SH3BP5: variants seen among roughly 807,000 people sequenced by gnomAD.
The protein encoded by SH3BP5 is SH3 domain binding protein 5, also known as SH3 domain-binding protein 5.
SH3BP5 carries 22 observed loss-of-function variants against 43.3 expected under a neutral mutation model. The ratio of observed to expected loss-of-function variants is 0.51; its 90% CI spans 0.36 to 0.73. The LOEUF (loss-of-function observed/expected upper bound fraction) is 0.73. Among genes scored for constraint, SH3BP5 ranks in the 30% least tolerant of loss-of-function variants. The pLI is 0.00. For missense variants in SH3BP5, 529 were observed against 586.9 expected (o/e 0.90, Z 1.02); for synonymous variants, 255 against 225.8 (o/e 1.13, Z -1.16).
At chr3:15,260,983 A>T (rs1575278648) in intron 5 of SH3BP5, among the ~76,000 whole-genome samples, 5 of 152,116 alleles carry the variant, frequency 3.3e-5, no homozygotes, top group Admixed American at 3.3e-4. Context: ...TTGAGAAAAG[A>T]CCCACCATAT....
intron 3 of SH3BP5, among the ~76,000 whole-genome samples, chr3:15,287,687 G>A (rs566618788): frequency 7.7e-4 from 118 of 152,298 alleles, no homozygotes; most frequent in Middle Eastern, 3.4e-3. Flanking sequence ...AGTCAGTCTG[G>A]GAAGAAAGAA....
At chr3:15,260,027 G>A (rs1341511063) in intron 5 of SH3BP5, 8 of 581,020 alleles carry the variant, frequency 1.4e-5, no homozygotes, top group Non-Finnish European at 2.5e-5. Flanking sequence ...TTAACAGGAG[G>A]CCCATCTCAA....
Position 15,255,972 on chromosome 3 carries a change from A to T in SH3BP5, c.*114T>A. The T allele has an allele frequency of 1.1e-6, 1 of 877,076 alleles. No individual in the cohort carries two copies. 54.3% of individuals were successfully genotyped at this position (877,076 alleles called of 1,614,324 possible). ...CTCAAGGTCACTGAAACTTCATTAG[A>T]GCAGTTTAGAGTAGACGTGTAAGAT... On this transcript the variant is annotated 3_prime_UTR_variant, in exon 9 of 9. Coordinates refer to ENST00000383791, the MANE Select transcript of SH3BP5 (RefSeq NM_004844.5).
At chr3:15,283,461 A>C (rs988038075) in intron 3 of SH3BP5, among the ~76,000 whole-genome samples, 1 of 152,240 alleles carries the variant, frequency 6.6e-6, no homozygotes, top group African/African-American at 2.4e-5. Context: ...AATGTTACCC[A>C]AACAAGAGAC....
chr3:15,303,577 C>G (rs1022850740), intron 3 of SH3BP5, among the ~76,000 whole-genome samples: 1 of 152,070 alleles, frequency 6.6e-6, no homozygotes, highest in Non-Finnish European at 1.5e-5. Flanking sequence ...CTCCGTTTCA[C>G]TGCTTCTTAT....
chr3:15,280,460 T>C (rs1364782120), intron 3 of SH3BP5, among the ~76,000 whole-genome samples: 2 of 152,194 alleles, frequency 1.3e-5, no homozygotes, highest in Admixed American at 1.3e-4. Flanking sequence ...TAACAGGGTC[T>C]TTGCGCTCAG....
At chr3:15,332,104 T>G (rs1698626581) in intron 1 of SH3BP5, 167 bp downstream of exon 1, 1 of 1,114,624 alleles carries the variant, frequency 9.0e-7, no homozygotes, top group African/African-American at 1.6e-5. Context: ...GCCTCCTCAT[T>G]GTGGAGACGA....
At chr3:15,262,427 A>G (rs776604852) in intron 4 of SH3BP5, 138 bp from the exon 5 acceptor site, 4 of 1,018,722 alleles carry the variant, frequency 3.9e-6, no homozygotes, top group South Asian at 1.7e-5. Flanking sequence ...TGGGAGGCCA[A>G]GGTGGGTGGA....
At chr3:15,274,252 A>G (rs1696897705) in intron 3 of SH3BP5, among the ~76,000 whole-genome samples, 1 of 150,652 alleles carries the variant, frequency 6.6e-6, no homozygotes, top group Non-Finnish European at 1.5e-5. Context: ...GCTCAACAAA[A>G]AAAAAAGAAA....
chr3:15,256,736 G>A, intron 8 of SH3BP5, 117 bp downstream of exon 8: 1 of 1,200,842 alleles, frequency 8.3e-7, no homozygotes, highest in Non-Finnish European at 1.2e-6. Context: ...CACAACCACA[G>A]AGACCTGGTA....
chr3:15,338,678 C>T (rs1051094150), intron 1 of SH3BP5, among the ~76,000 whole-genome samples: 6 of 151,990 alleles, frequency 3.9e-5, no homozygotes, highest in Admixed American at 6.6e-5. Context: ...TGCATGGGTG[C>T]GCAGCCACCA....
intron 4 of SH3BP5, among the ~76,000 whole-genome samples, chr3:15,268,838 T>A (rs2125062394): frequency 6.6e-6 from 1 of 152,122 alleles, no homozygotes; most frequent in South Asian, 2.1e-4. Context: ...CCATCATGAA[T>A]GAGATTAGTG....
chr3:15,322,863 C>T (rs577346134), intron 2 of SH3BP5, among the ~76,000 whole-genome samples: 222 of 150,890 alleles, frequency 1.5e-3, no homozygotes, highest in African/African-American at 4.5e-3. Flanking sequence ...AGCGGGAGGC[C>T]GGGCGCAGTA....
In SH3BP5 at chr3:15,330,569, G is replaced by T; in HGVS notation, c.139-3C>A. 6.3e-7 allele frequency: 1 copy of T among 1,594,462 alleles called. No homozygotes were observed. The highest frequency in any genetic ancestry group is 1.1e-5 in the South Asian group (1 of 88,162). Reference sequence around the variant, plus strand: ...TGATTTAACTTCTCCAGTTCTCCCTGGTGAAGAAAAGAGGGAGAAAAAAAG... The same window carrying T: ...TGATTTAACTTCTCCAGTTCTCCCTTGTGAAGAAAAGAGGGAGAAAAAAAG... On this transcript the variant is annotated splice_polypyrimidine_tract_variant and splice_region_variant and intron_variant, in intron 1 of 8. Coordinates refer to ENST00000383791, the MANE Select transcript of SH3BP5 (RefSeq NM_004844.5).
intron 1 of SH3BP5, among the ~76,000 whole-genome samples, chr3:15,337,827 A>T (rs1354512155): frequency 2.0e-5 from 3 of 147,392 alleles, no homozygotes; most frequent in African/African-American, 5.1e-5. Flanking sequence ...AGGCAGGAGG[A>T]TCCCCTGAGC....
At chr3:15,318,846 A>G (rs1310866019) in intron 2 of SH3BP5, among the ~76,000 whole-genome samples, 2 of 152,020 alleles carry the variant, frequency 1.3e-5, no homozygotes, top group Non-Finnish European at 1.5e-5. Context: ...TACTGGGATT[A>G]TGGGCGTGAG....
intron 2 of SH3BP5, among the ~76,000 whole-genome samples, chr3:15,312,877 A>T (rs1698093968): frequency 6.6e-6 from 1 of 151,948 alleles, no homozygotes; most frequent in Non-Finnish European, 1.5e-5. Context: ...ATTATTCTTT[A>T]AAAAAAACAC....
chr3:15,335,764 T>C (rs1374585270), upstream of SH3BP5, among the ~76,000 whole-genome samples: 1 of 152,102 alleles, frequency 6.6e-6, no homozygotes, highest in Admixed American at 6.6e-5. Context: ...GGCACATATG[T>C]AGTGCACATA....
In SH3BP5 at chr3:15,257,080, C is replaced by A. The variant is rs748034743; in HGVS notation, c.923G>T (p.Ser308Ile). The A allele has an allele frequency of 6.2e-7, 1 of 1,614,192 alleles. No homozygotes were observed. The highest frequency in any genetic ancestry group is 1.1e-5 in the South Asian group (1 of 91,090). ...CGAGTCATCTTCAGACACAAAGTTG[C>A]TACAGCTGTCATCTTCAAAGGCCTC... Reference protein sequence around the residue: ...ASEAFEDDSCSNFVSEDDSET... With the variant: ...ASEAFEDDSCINFVSEDDSET... Residue 308 changes from serine to isoleucine, a missense_variant, in exon 8 of 9, where the codon AGC becomes ATC. By Grantham distance (142) the Ser-to-Ile change is moderately radical (BLOSUM62 -2). Around this residue, in one of 3 missense-constraint regions of SH3BP5, gnomAD observed 369 missense variants for 384.3 expected, o/e 0.96. Coordinates refer to ENST00000383791, the MANE Select transcript of SH3BP5 (RefSeq NM_004844.5).
Sources: gnomAD v4.1 joint callset for allele counts (sites outside exome capture counted in the v4.1 genomes callset) on GRCh38, gnomAD v4.1.1 for gene constraint, gnomAD v4.1.1 regional missense constraint, MANE v1.5 for transcripts, NCBI Gene and HGNC (gene_info 2026-07-23, HGNC 2026-07-21) for gene names.